The following OSBPL9 variants were observed in gnomAD, a reference collection of about 807,000 sequenced individuals.
OSBPL9 encodes oxysterol binding protein like 9, also known as oxysterol-binding protein-related protein 9.
OSBPL9 carries 40 observed loss-of-function variants against 106.6 expected under a neutral mutation model. The ratio of observed to expected loss-of-function variants is 0.38; its 90% confidence interval spans 0.29 to 0.49. The LOEUF is 0.49. Ranked by LOEUF, OSBPL9 falls within the 20% of genes least tolerant of loss-of-function variation. OSBPL9 has a pLI of 0.97. For synonymous variants in OSBPL9, 269 were observed against 295.4 expected (o/e 0.91, Z 0.92); for missense variants, 609 against 887.2 (o/e 0.69, Z 3.98).
intron 1 of OSBPL9, among the ~76,000 whole-genome samples, chr1:51,641,753 G>A (rs534219982): frequency 6.6e-6 from 1 of 152,252 alleles, no homozygotes; most frequent in Non-Finnish European, 1.5e-5. Context: ...TTGGAGGTTA[G>A]GATCTGTTTC....
At chr1:51,747,917 G>GT (rs1349870777) in intron 6 of OSBPL9, among the ~76,000 whole-genome samples, 11 of 152,004 alleles carry the variant, frequency 7.2e-5, no homozygotes, top group Non-Finnish European at 1.2e-4. Flanking sequence ...AGCCTCCCAA[G>GT]TAGGTGGGAC....
At chr1:51,656,155 A>C (rs1646800278) in intron 2 of OSBPL9, among the ~76,000 whole-genome samples, 2 of 152,174 alleles carry the variant, frequency 1.3e-5, no homozygotes, top group South Asian at 4.1e-4. Context: ...AATTTTACTC[A>C]GCTCTTCCCT....
chr1:51,549,204 G>C, the OSBPL9 span, among the ~76,000 whole-genome samples: 6 of 152,142 alleles, frequency 3.9e-5, no homozygotes, highest in African/African-American at 1.4e-4. Context: ...CTGGTGCTCT[G>C]CTCTTTGACT....
the OSBPL9 span, among the ~76,000 whole-genome samples, chr1:51,549,534 T>TA: frequency 7.7e-4 from 117 of 152,344 alleles, no homozygotes; most frequent in African/African-American, 2.7e-3. Flanking sequence ...TATAGTCATT[T>TA]AAAAATACAT....
At chr1:51,662,160 A>G (rs1274090701) in intron 2 of OSBPL9, among the ~76,000 whole-genome samples, 5 of 152,232 alleles carry the variant, frequency 3.3e-5, no homozygotes, top group Non-Finnish European at 7.3e-5. Context: ...ATTATAAACT[A>G]GAGGATTGGA....
intron 8 of OSBPL9, among the ~76,000 whole-genome samples, chr1:51,755,944 CT>C (rs1358517755): frequency 6.6e-6 from 1 of 152,184 alleles, no homozygotes; most frequent in Non-Finnish European, 1.5e-5. Context: ...TAAGTTGAAT[CT>C]TACAATATGT....
At chr1:51,625,835 T>A (rs1644735026) in intron 1 of OSBPL9, among the ~76,000 whole-genome samples, 1 of 152,196 alleles carries the variant, frequency 6.6e-6, no homozygotes, top group Non-Finnish European at 1.5e-5. Context: ...AGGATTATTT[T>A]AAAAATGGAA....
the OSBPL9 span, among the ~76,000 whole-genome samples, chr1:51,524,786 T>C: frequency 6.6e-6 from 1 of 152,216 alleles, no homozygotes; most frequent in Non-Finnish European, 1.5e-5. Flanking sequence ...TTGCCCTATT[T>C]CCTTCCTTTC....
upstream of OSBPL9, among the ~76,000 whole-genome samples, chr1:51,575,119 T>G (rs1645175398): frequency 6.6e-6 from 1 of 152,232 alleles, no homozygotes; most frequent in Non-Finnish European, 1.5e-5. Flanking sequence ...GAAGAGGCCT[T>G]CAGGGTAAAC....
At chr1:51,772,267 T>A (rs1674078517) in intron 13 of OSBPL9, 85 bp downstream of exon 13, 1 of 1,124,452 alleles carries the variant, frequency 8.9e-7, no homozygotes, top group East Asian at 2.6e-5. Flanking sequence ...ATCCCAGCAC[T>A]TTGGGAGACC....
intron 3 of OSBPL9, among the ~76,000 whole-genome samples, chr1:51,711,741 C>G (rs1184168488): frequency 6.9e-6 from 1 of 145,826 alleles, no homozygotes; most frequent in East Asian, 2.1e-4. Flanking sequence ...GACGGGGTCA[C>G]GGCCGGGCAG....
chr1:51,562,387 C>T, the OSBPL9 span, among the ~76,000 whole-genome samples: 1 of 152,170 alleles, frequency 6.6e-6, no homozygotes, highest in African/African-American at 2.4e-5. Context: ...CACCTGAGGC[C>T]TCCCCAGAAG....
At chr1:51,543,457 G>A in the OSBPL9 span, among the ~76,000 whole-genome samples, 2 of 152,002 alleles carry the variant, frequency 1.3e-5, no homozygotes, top group Non-Finnish European at 2.9e-5. Flanking sequence ...GTGCAGTGGC[G>A]CCATCTCAGC....
At chr1:51,670,943 TAAG>T (rs913250290) in intron 3 of OSBPL9, among the ~76,000 whole-genome samples, 2 of 152,330 alleles carry the variant, frequency 1.3e-5, no homozygotes, top group South Asian at 2.1e-4. Flanking sequence ...CTGCAGTTAC[TAAG>T]AAGGAGACAC....
At chr1:51,611,484 GTTT>G (rs761208454) in intron 2 of OSBPL9, among the ~76,000 whole-genome samples, 3 of 152,168 alleles carry the variant, frequency 2.0e-5, no homozygotes, top group African/African-American at 2.4e-5. Flanking sequence ...TTGGTGTGAA[GTTT>G]AGGAAGAGAA....
At chr1:51,765,590 G>A in intron 11 of OSBPL9, 1 of 318,414 alleles carries the variant, frequency 3.1e-6, no homozygotes, top group East Asian at 5.8e-5. Flanking sequence ...ATTATAGAAT[G>A]AGGACATAGC....
the OSBPL9 span, among the ~76,000 whole-genome samples, chr1:51,562,298 A>G: frequency 6.6e-6 from 1 of 152,018 alleles, no homozygotes; most frequent in African/African-American, 2.4e-5. Context: ...TAAATTGTGT[A>G]GCACCTCCCC....
chr1:51,673,731 C>T (rs1650479258), intron 3 of OSBPL9, among the ~76,000 whole-genome samples: 2 of 152,074 alleles, frequency 1.3e-5, no homozygotes, highest in South Asian at 4.1e-4. Flanking sequence ...AACTGGGGCA[C>T]AGTGGTATGC....
At chr1:51,655,342 T>C (rs1235470478) in intron 2 of OSBPL9, among the ~76,000 whole-genome samples, 1 of 152,138 alleles carries the variant, frequency 6.6e-6, no homozygotes, top group Non-Finnish European at 1.5e-5. Flanking sequence ...TGGCTGTCAG[T>C]TGTGTTCTGC....
Sources: gnomAD v4.1 joint callset for allele counts (sites outside exome capture counted in the v4.1 genomes callset) on GRCh38, gnomAD v4.1.1 for gene constraint, MANE v1.5 for transcripts, NCBI Gene and HGNC (gene_info 2026-07-23, HGNC 2026-07-21) for gene names.